The following ANO4 variants were observed in gnomAD, a reference collection of about 807,000 sequenced individuals.
The protein encoded by ANO4 is anoctamin-4.
In ANO4, 69 loss-of-function variants were observed where a neutral mutation model predicts 141.9. The observed-to-expected ratio is 0.49, with a 90% CI of 0.40 to 0.59. The LOEUF (loss-of-function observed/expected upper bound fraction) is 0.59, where lower values mean the gene tolerates loss of function less well. Among genes scored for constraint, ANO4 ranks in the 20% least tolerant of loss-of-function variants. The probability of loss-of-function intolerance (pLI) is 0.00; values close to 1 mark genes in which losing one functional copy is unlikely to be tolerated. For synonymous variants in ANO4, 350 were observed against 394.3 expected, an observed-to-expected ratio of 0.89 and a Z score of 1.33; for missense variants, 894 against 1,162.2, an observed-to-expected ratio of 0.77 and a Z score of 3.36.
chr12:101,099,402 A>T (rs1359831806), intron 21 of ANO4, among the ~76,000 whole-genome samples, 176 bp from the exon 22 acceptor site: 2 of 152,184 alleles, frequency 1.3e-5, no homozygotes, highest in African/African-American at 4.8e-5. Flanking sequence ...GCAAATATAA[A>T]TACTTGAAGT....
intron 5 of ANO4, among the ~76,000 whole-genome samples, chr12:100,943,295 A>T (rs1424240035): frequency 6.6e-6 from 1 of 152,212 alleles, no homozygotes; most frequent in Non-Finnish European, 1.5e-5. Context: ...GGAGCTTTTC[A>T]TAGTCAATAA....
At position 101,016,735 on chromosome 12, in the gene ANO4, T is replaced by G. The variant is rs528563154; in HGVS notation, c.735-3299T>G. Among the ~76,000 whole-genome samples, 26 of 152,348 alleles carry G rather than the reference T, an allele frequency of 1.7e-4. 1 individual carries two copies. Among genetic ancestry groups the G allele is most frequent in the African/African-American group, 6.3e-4 (26 of 41,586 alleles). ...ATGTGGGCGGACAGCTTTCATGGAATGTAATAGAAACTACAGCAATGATGA... is the reference window on the plus strand; with the variant it reads ...ATGTGGGCGGACAGCTTTCATGGAAGGTAATAGAAACTACAGCAATGATGA... On this transcript the variant is annotated intron_variant, in intron 8 of 27. Coordinates refer to ENST00000392977, the MANE Select transcript of ANO4 (RefSeq NM_001286615.2).
At chr12:100,791,883 G>A (rs1345224693), upstream of ANO4, among the ~76,000 whole-genome samples, 2 of 152,218 alleles carry the variant, frequency 1.3e-5, no homozygotes, top group Non-Finnish European at 2.9e-5. Flanking sequence ...TCTGGCACAT[G>A]GTGGGGTTTA....
chr12:100,724,395 C>A (rs1259140258), intron 1 of ANO4, among the ~76,000 whole-genome samples: 1 of 152,160 alleles, frequency 6.6e-6, no homozygotes, highest in East Asian at 1.9e-4. Context: ...TAAAAGATGG[C>A]TTTGCCCTCT....
chr12:100,770,064 ATGTT>A (rs2033230852), intron 3 of ANO4, among the ~76,000 whole-genome samples: 1 of 152,246 alleles, frequency 6.6e-6, no homozygotes, highest in Non-Finnish European at 1.5e-5. Flanking sequence ...ATTTATAAAA[ATGTT>A]TGTCTCTGGT....
At chr12:101,124,594 TA>T (rs1422782806) in intron 26 of ANO4, among the ~76,000 whole-genome samples, 1 of 152,248 alleles carries the variant, frequency 6.6e-6, no homozygotes, top group African/African-American at 2.4e-5. Flanking sequence ...AGGATTTTTA[TA>T]GTTTGGGGCT....
At chr12:101,045,524 G>A (rs892472401) in intron 13 of ANO4, among the ~76,000 whole-genome samples, 3 of 152,178 alleles carry the variant, frequency 2.0e-5, no homozygotes, top group Non-Finnish European at 1.5e-5. Flanking sequence ...GTGATTTCAT[G>A]GGACTGTGGA....
At chr12:100,786,927 G>A (rs1374343791) in intron 3 of ANO4, among the ~76,000 whole-genome samples, 1 of 152,066 alleles carries the variant, frequency 6.6e-6, no homozygotes, top group South Asian at 2.1e-4. Flanking sequence ...ATACACTGAG[G>A]ATCCATATGT....
chr12:100,958,824 G>A (rs1448449430), intron 5 of ANO4, among the ~76,000 whole-genome samples: 1 of 152,042 alleles, frequency 6.6e-6, no homozygotes, highest in African/African-American at 2.4e-5. Flanking sequence ...ATCCAGCCTG[G>A]GCAACAAGTG....
rs144595000 is a variant in ANO4 at position 101,024,366 on chromosome 12, C to A, written c.841+4226C>A. On this transcript the variant is annotated intron_variant, in intron 9 of 27. Transcript: ENST00000392977. ...ATCCCAGCACTTTGGGAGGCCAAGG[C>A]AGGTGGATCAGTTGAGGTCAGGAGT... 3.3e-4 allele frequency among the ~76,000 whole-genome samples: 50 copies of A among 152,246 alleles called. 2 individuals are homozygous for A. In the East Asian group the frequency reaches 9.6e-3, roughly 29 times the overall value.
chr12:101,120,395 A>T, intron 25 of ANO4, 125 bp from the exon 26 acceptor site: 1 of 740,028 alleles, frequency 1.4e-6, no homozygotes. Flanking sequence ...AAAACAACAG[A>T]TATCTAGTAT....
At chr12:101,031,579 C>G (rs139098237) in intron 9 of ANO4, among the ~76,000 whole-genome samples, 2,289 of 152,176 alleles carry the variant, frequency 0.015, 61 homozygotes, top group African/African-American at 0.052. Flanking sequence ...AAGTTCTGGC[C>G]AGGACAATCA....
intron 14 of ANO4, 105 bp from the exon 15 acceptor site, chr12:101,079,088 T>C (rs2049138851): frequency 5.1e-6 from 5 of 975,830 alleles, no homozygotes; most frequent in Non-Finnish European, 8.2e-6. Flanking sequence ...ATGCTTACAC[T>C]AACAACTGTC....
intron 24 of ANO4, among the ~76,000 whole-genome samples, chr12:101,115,852 G>A (rs1418843413): frequency 2.0e-5 from 3 of 152,024 alleles, no homozygotes; most frequent in Admixed American, 6.6e-5. Context: ...CAATCAGATC[G>A]ATTCAATATT....
intron 8 of ANO4, among the ~76,000 whole-genome samples, chr12:101,011,326 T>C (rs1402094388): frequency 6.6e-6 from 1 of 150,970 alleles, no homozygotes; most frequent in African/African-American, 2.4e-5. Flanking sequence ...TTCTTTTTTT[T>C]TTTTTTTTTG....
intron 3 of ANO4, among the ~76,000 whole-genome samples, chr12:100,754,609 T>C (rs1293727012): frequency 6.6e-6 from 1 of 152,158 alleles, no homozygotes; most frequent in Non-Finnish European, 1.5e-5. Flanking sequence ...CAAACATTTG[T>C]AACAAATGTT....
At chr12:100,877,647 C>G (rs2039379861) in intron 1 of ANO4, among the ~76,000 whole-genome samples, 3 of 152,060 alleles carry the variant, frequency 2.0e-5, no homozygotes, top group Non-Finnish European at 4.4e-5. Context: ...CAATCCTGTG[C>G]TGAGTTGCCA....
At chr12:101,019,444 G>T (rs2136487155) in intron 8 of ANO4, among the ~76,000 whole-genome samples, 1 of 152,236 alleles carries the variant, frequency 6.6e-6, no homozygotes, top group African/African-American at 2.4e-5. Flanking sequence ...ACTGGCTAGG[G>T]CACTTGCTGG....
chr12:100,801,987 A>G (rs1252696457), intron 1 of ANO4, among the ~76,000 whole-genome samples: 1 of 152,194 alleles, frequency 6.6e-6, no homozygotes, highest in Non-Finnish European at 1.5e-5. Context: ...ATAACTGCAT[A>G]ACACGTTTTT....
Sources: allele counts gnomAD v4.1 joint callset (sites outside exome capture counted in the v4.1 genomes callset), GRCh38; gene constraint gnomAD v4.1.1; transcripts MANE v1.5; gene names NCBI Gene and HGNC (gene_info 2026-07-23, HGNC 2026-07-21).